FCRL6: variants seen among roughly 807,000 people sequenced by gnomAD.
FCRL6 encodes Fc receptor-like protein 6.
A neutral mutation model predicts 49.1 loss-of-function variants in FCRL6; 50 were observed. The ratio of observed to expected loss-of-function variants is 1.02; its 90% CI spans 0.81 to 1.29. The LOEUF (loss-of-function observed/expected upper bound fraction) is 1.29. FCRL6 is among the 50% of genes most tolerant of loss of function. The probability of loss-of-function intolerance (pLI) is 0.00; values close to 1 mark genes in which losing one functional copy is unlikely to be tolerated. For synonymous variants in FCRL6, 213 were observed against 199.6 expected (o/e 1.07, Z -0.57); for missense variants, 571 against 518.5 (o/e 1.10, Z -0.98).
rs779211397 is a variant in FCRL6, at chr1:159,808,458, T to C, written c.319+14T>C. ...TTCAAGTCCAAGGTGAGTCACCAGCTTGGGAGTTTGTGGGGCAGGAGGTGC... is the reference window on the plus strand; with the variant it reads ...TTCAAGTCCAAGGTGAGTCACCAGCCTGGGAGTTTGTGGGGCAGGAGGTGC... On this transcript the variant is annotated intron_variant, in intron 3 of 9. Coordinates refer to ENST00000368106, the MANE Select transcript of FCRL6 (RefSeq NM_001004310.3). 1.9e-6 allele frequency: 3 copies of C among 1,614,000 alleles called. No individual in the cohort carries two copies. In the African/African-American group the frequency reaches 4.0e-5, roughly 22 times the overall value.
intron 8 of FCRL6, 82 bp downstream of exon 8, chr1:159,814,374 T>A: frequency 1.0e-5 from 10 of 964,590 alleles, no homozygotes; most frequent in South Asian, 8.0e-5. Context: ...CCACTGTCAT[T>A]ACCACTTTTA....
chr1:159,815,508 T>C lies in FCRL6; in HGVS notation c.1180-28T>C, dbSNP rs755278183. On this transcript the variant is annotated intron_variant, in intron 9 of 9. Transcript: ENST00000368106. Reference sequence around the variant, plus strand: ...TCTCACCCTCTCTCTTACATTTGCTTCCTCATCCTGAGCCAACTCTTCCAC... The same window carrying C: ...TCTCACCCTCTCTCTTACATTTGCTCCCTCATCCTGAGCCAACTCTTCCAC... The C allele has an allele frequency of 5.6e-6, 9 of 1,614,146 alleles. No individual in the cohort carries two copies. The Admixed American group carries it at 1.5e-4, about 27-fold the overall frequency.
chr1:159,808,263 A>G lies in FCRL6; in HGVS notation c.138A>G (p.Pro46=). 2 of 1,613,662 alleles carry G rather than the reference A, an allele frequency of 1.2e-6. No individual in the cohort carries two copies. The highest frequency in any genetic ancestry group is 1.7e-6 in the Non-Finnish European group (2 of 1,179,498). ...GATGTCAGGGATGGAAGAATACACC[A>G]CTGTCTCAGGTGAAGTTCTACAGAG... is the stretch of plus-strand genomic sequence containing the variant. The part of the protein sequence containing the change: ...TLRCQGWKNT[P]LSQVKFYRDG... Residue 46 remains proline (P), a synonymous_variant, in exon 3 of 10, where the codon CCA becomes CCG. Coordinates refer to ENST00000368106, the MANE Select transcript of FCRL6 (RefSeq NM_001004310.3).
chr1:159,814,567 A>G (rs12083595), intron 8 of FCRL6, among the ~76,000 whole-genome samples: 20,729 of 152,100 alleles, frequency 0.14, 2,221 homozygotes, highest in African/African-American at 0.3. Context: ...CACTATATTC[A>G]CCATTCTCAA....
At position 159,809,018 on chromosome 1, in the gene FCRL6, G is replaced by T. The variant is rs745655616; in HGVS notation, c.377G>T (p.Ser126Ile). ...CCCTCTCCTGAGCCCCGAGAGGGTA[G>T]CCTGGTGACCCTGAGATGTCAGACA... ...AIPSPEPREG[S>I]LVTLRCQTKL... Residue 126 changes from serine to isoleucine, a missense_variant, in exon 4 of 10, where the codon AGC (serine) becomes ATC (isoleucine). Transcript: ENST00000368106. 2.8e-5 allele frequency: 45 copies of T among 1,613,812 alleles called. No homozygotes were observed. In the South Asian group the frequency reaches 4.4e-4, roughly 16 times the overall value.
intron 1 of FCRL6, 59 bp downstream of exon 1, chr1:159,802,514 G>A: frequency 1.4e-6 from 2 of 1,467,802 alleles, no homozygotes; most frequent in Admixed American, 1.7e-5. Flanking sequence ...AGTCATCCCT[G>A]AGACACCAAG....
intron 2 of FCRL6, 58 bp from the exon 3 acceptor site, chr1:159,808,120 A>G: frequency 6.4e-7 from 1 of 1,558,636 alleles, no homozygotes; most frequent in Non-Finnish European, 8.7e-7. Context: ...GGACAGAGGG[A>G]GAGAAGTGAC....
At chr1:159,815,489 C>T (rs1486506458) in intron 9 of FCRL6, 30 bp downstream of exon 9, 1 of 1,614,068 alleles carries the variant, frequency 6.2e-7, no homozygotes, top group Non-Finnish European at 8.5e-7. Context: ...CCTTTCTCAC[C>T]CTCTCTCTTA....
At chr1:159,802,986 G>A (rs899768660) in intron 1 of FCRL6, among the ~76,000 whole-genome samples, 1 of 152,168 alleles carries the variant, frequency 6.6e-6, no homozygotes, top group Non-Finnish European at 1.5e-5. Context: ...CCTCTCACCT[G>A]GTTGAAAGGC....
rs147485918 is a variant in FCRL6 at position 159,802,373 on chromosome 1, G to A, written c.-52G>A. The A allele has an allele frequency of 2.5e-4, 401 of 1,609,650 alleles. No individual in the cohort carries two copies. The East Asian group carries it at 2.6e-3, about 10-fold the overall frequency. On this transcript the variant is annotated 5_prime_UTR_variant, in exon 1 of 10. Coordinates refer to ENST00000368106, the MANE Select transcript of FCRL6 (RefSeq NM_001004310.3). ...GGCCTGGTTGCTCTCTGCCGGCTTC[G>A]CCCTGACCTGTTTCTGACCTGTGTT...
intron 8 of FCRL6, among the ~76,000 whole-genome samples, 175 bp downstream of exon 8, chr1:159,814,467 C>T (rs566656773): frequency 6.6e-6 from 1 of 152,110 alleles, no homozygotes; most frequent in Non-Finnish European, 1.5e-5. Flanking sequence ...CCTTCACTAC[C>T]ACCTTCACCT....
At chr1:159,814,828 G>A (rs997418514) in intron 8 of FCRL6, among the ~76,000 whole-genome samples, 3 of 152,184 alleles carry the variant, frequency 2.0e-5, no homozygotes, top group Admixed American at 6.5e-5. Flanking sequence ...AGGCCATGTG[G>A]CATCATGAGA....
chr1:159,814,116 C>A, intron 7 of FCRL6, 105 bp from the exon 8 acceptor site: 1 of 1,053,516 alleles, frequency 9.5e-7, no homozygotes, highest in Non-Finnish European at 1.5e-6. Flanking sequence ...CCACTTATCA[C>A]CATAACAGAG....
intron 1 of FCRL6, 83 bp from the exon 2 acceptor site, chr1:159,806,513 C>A: frequency 8.2e-7 from 1 of 1,221,364 alleles, no homozygotes; most frequent in Non-Finnish European, 1.2e-6. Flanking sequence ...GGGTGTAAGT[C>A]CCCATTGCTG....
At chr1:159,808,554 G>A (rs1482314788) in intron 3 of FCRL6, 110 bp downstream of exon 3, 2 of 1,384,106 alleles carry the variant, frequency 1.4e-6, no homozygotes, top group East Asian at 2.4e-5. Context: ...TGCCCCTCAT[G>A]CTGGGCCAAT....
intron 1 of FCRL6, among the ~76,000 whole-genome samples, chr1:159,803,194 T>G (rs1234294552): frequency 6.6e-6 from 1 of 152,118 alleles, no homozygotes; most frequent in East Asian, 1.9e-4. Context: ...GGTCTAAGGG[T>G]AGAGGATTGC....
In FCRL6 at chr1:159,815,455, G is replaced by A. The variant is rs1207814340; in HGVS notation, c.1175G>A (p.Arg392Lys). Reference sequence around the variant, plus strand: ...AGGTCTGCTGAGTTCACCGTGGGGAGAAAGGTGAGCTGGGATCCCTGCTCC... The same window carrying A: ...AGGTCTGCTGAGTTCACCGTGGGGAAAAAGGTGAGCTGGGATCCCTGCTCC... ...EARSAEFTVG[R>K]KDSSIICAEV... The change falls in exon 9 of 10, where the codon AGA (arginine) becomes AAA (lysine). Residue 392 changes from arginine (R) to lysine (K), a missense_variant. Arg to Lys is a conservative substitution (Grantham distance 26, BLOSUM62 2). Transcript: ENST00000368106. 3 of 1,614,108 alleles carry A rather than the reference G, an allele frequency of 1.9e-6. No homozygotes were observed.
intron 6 of FCRL6, among the ~76,000 whole-genome samples, chr1:159,810,617 C>T (rs965527437): frequency 2.6e-5 from 4 of 151,886 alleles, no homozygotes; most frequent in African/African-American, 9.7e-5. Context: ...TTGAGCTCAG[C>T]AGAGCTCTGA....
At chr1:159,813,421 C>T (rs1259817942) in intron 6 of FCRL6, 68 bp from the exon 7 acceptor site, 2 of 1,408,480 alleles carry the variant, frequency 1.4e-6, no homozygotes, top group Non-Finnish European at 2.0e-6. Context: ...TTGCTCACAG[C>T]TTTCCTGTCC....
Sources: allele counts gnomAD v4.1 joint callset (sites outside exome capture counted in the v4.1 genomes callset), GRCh38; gene constraint gnomAD v4.1.1; transcripts MANE v1.5; gene names NCBI Gene and HGNC (gene_info 2026-07-23, HGNC 2026-07-21).